The following CSMD3 variants were observed in gnomAD, a reference collection of about 807,000 sequenced individuals.
CSMD3 encodes the protein CUB and Sushi multiple domains 3.
CSMD3 carries 177 observed loss-of-function variants against 435.2 expected under a neutral mutation model. That is an observed-to-expected ratio of 0.41 (90% confidence interval 0.36 to 0.46). The LOEUF (loss-of-function observed/expected upper bound fraction) is 0.46, where lower values mean the gene tolerates loss of function less well. CSMD3 is among the 20% of genes least tolerant of loss of function. CSMD3 has a pLI of 0.34. For synonymous variants in CSMD3, 1,656 were observed against 1,520.5 expected (o/e 1.09, Z -2.07); for missense variants, 4,265 against 4,504.6 (o/e 0.95, Z 1.52).
At chr8:113,042,292 T>A (rs2087655622) in intron 5 of CSMD3, among the ~76,000 whole-genome samples, 1 of 152,116 alleles carries the variant, frequency 6.6e-6, no homozygotes, top group Non-Finnish European at 1.5e-5. Context: ...TATAGTAGAA[T>A]CACAAATTAA....
In CSMD3 at chr8:113,224,990, A is replaced by C. The variant is rs897636046; in HGVS notation, c.515-51074T>G. Among the ~76,000 whole-genome samples, 4 of 151,414 alleles carry C rather than the reference A, an allele frequency of 2.6e-5. No homozygotes were observed. The Admixed American group carries it at 2.6e-4, about 10-fold the overall frequency. ...CTCAGCAATTTAGAGCTAAATAAATATATGTATTACTGTTTTCTTCTCTTA... is the reference window on the plus strand; with the variant it reads ...CTCAGCAATTTAGAGCTAAATAAATCTATGTATTACTGTTTTCTTCTCTTA... On this transcript the variant is annotated intron_variant, in intron 3 of 70. Transcript: ENST00000297405.
intron 38 of CSMD3, among the ~76,000 whole-genome samples, chr8:112,379,605 C>T (rs913403209): frequency 2.0e-5 from 3 of 152,112 alleles, no homozygotes; most frequent in Non-Finnish European, 4.4e-5. Context: ...CTACACAAAG[C>T]AACCTACAGA....
chr8:112,333,669 TAC>T lies in CSMD3; in HGVS notation c.7165+1658_7165+1659del, dbSNP rs147365873. Among the ~76,000 whole-genome samples the T allele has an allele frequency of 3.9e-3, 581 of 147,792 alleles. 1 individual carries two copies. The highest frequency in any genetic ancestry group is 0.011 in the African/African-American group (429 of 38,634). ...ATATGAATGTTCAAATTCTGTCTCA[TAC>T]ACACACACACACACACACACACAAC... On this transcript the variant is annotated intron_variant, in intron 45 of 70. Coordinates refer to ENST00000297405, the MANE Select transcript of CSMD3 (RefSeq NM_198123.2).
rs1554668938 is a variant in CSMD3, at chr8:112,405,246, T to TAC, written c.5809+1276_5809+1277dup. ...ATATATATATATATATATATATATA[T>TAC]ACATATATATATACACATATCTTAT... On this transcript the variant is annotated intron_variant, in intron 35 of 70. Transcript: ENST00000297405. 2.5e-3 allele frequency among the ~76,000 whole-genome samples: 207 copies of TAC among 81,530 alleles called. 5 individuals carry two copies. The highest frequency in any genetic ancestry group is 9.2e-3 in the African/African-American group (173 of 18,764). The allele number at this position is 81,530 out of a possible 152,430, so 53.5% of individuals were successfully genotyped here.
intron 2 of CSMD3, among the ~76,000 whole-genome samples, chr8:113,285,238 A>G (rs2093637573): frequency 6.7e-6 from 1 of 149,336 alleles, no homozygotes; most frequent in Non-Finnish European, 1.5e-5. Flanking sequence ...ATGGGGAGCC[A>G]TTGTCTGACT....
At position 113,252,146 on chromosome 8, in the gene CSMD3, C is replaced by G. The variant is rs531902160; in HGVS notation, c.514+26446G>C. Among the ~76,000 whole-genome samples the G allele has an allele frequency of 3.3e-5, 5 of 152,162 alleles. No homozygotes were observed. In the East Asian group the frequency reaches 9.7e-4, roughly 29 times the overall value. On this transcript the variant is annotated intron_variant, in intron 3 of 70. Coordinates refer to ENST00000297405, the MANE Select transcript of CSMD3 (RefSeq NM_198123.2). ...TCCTGATTTCTCAGCAAGTCTTCTA[C>G]TATTTATGAATCTTTTATCTGTTAG...
At chr8:112,410,119 C>T (rs955269793) in intron 32 of CSMD3, among the ~76,000 whole-genome samples, 1 of 151,946 alleles carries the variant, frequency 6.6e-6, no homozygotes, top group African/African-American at 2.4e-5. Context: ...TCACTTGAAA[C>T]ATGGTTACTT....
chr8:112,409,781 A>G (rs1211188769), intron 32 of CSMD3, among the ~76,000 whole-genome samples: 1 of 151,964 alleles, frequency 6.6e-6, no homozygotes, highest in East Asian at 1.9e-4. Flanking sequence ...ACTTACATGC[A>G]GAATTTACCC....
At chr8:113,155,944 T>C (rs1480452) in intron 4 of CSMD3, among the ~76,000 whole-genome samples, 29,569 of 152,010 alleles carry the variant, frequency 0.19, 3,872 homozygotes, top group East Asian at 0.49. Context: ...TGGTTTTCTA[T>C]AATGATTCTG....
chr8:112,283,544 A>T (rs1818875290), intron 58 of CSMD3, among the ~76,000 whole-genome samples: 1 of 151,610 alleles, frequency 6.6e-6, no homozygotes, highest in South Asian at 2.1e-4. Flanking sequence ...GCTTTGTGTT[A>T]GGTATAGAGT....
At chr8:113,349,561 C>T (rs1181076623) in intron 1 of CSMD3, among the ~76,000 whole-genome samples, 3 of 151,950 alleles carry the variant, frequency 2.0e-5, no homozygotes, top group African/African-American at 7.3e-5. Context: ...GCAGGAGGAT[C>T]GCTTCAGGCC....
intron 59 of CSMD3, among the ~76,000 whole-genome samples, chr8:112,279,144 G>T (rs1367636945): frequency 6.6e-6 from 1 of 152,136 alleles, no homozygotes; most frequent in Admixed American, 6.6e-5. Flanking sequence ...TTCTAAAATA[G>T]TTATTCAACA....
chr8:113,064,475 A>T (rs1014331795), intron 5 of CSMD3, among the ~76,000 whole-genome samples: 1 of 152,178 alleles, frequency 6.6e-6, no homozygotes, highest in African/African-American at 2.4e-5. Flanking sequence ...GGGGTTTTTT[A>T]AAAGGACTTT....
At chr8:112,493,659 G>C (rs760293626) in intron 30 of CSMD3, among the ~76,000 whole-genome samples, 3 of 152,030 alleles carry the variant, frequency 2.0e-5, no homozygotes, top group Non-Finnish European at 2.9e-5. Flanking sequence ...TCAGAGCAGA[G>C]GAATTGTTTT....
intron 3 of CSMD3, among the ~76,000 whole-genome samples, chr8:113,246,695 T>C (rs912570584): frequency 3.9e-5 from 6 of 152,260 alleles, no homozygotes; most frequent in Admixed American, 6.6e-5. Context: ...GCATGTTTTG[T>C]CTGAGAATTA....
At chr8:113,112,945 C>G (rs574953609) in intron 4 of CSMD3, among the ~76,000 whole-genome samples, 141 of 152,298 alleles carry the variant, frequency 9.3e-4, no homozygotes, top group Middle Eastern at 3.4e-3. Flanking sequence ...GTGCACAGTG[C>G]AATCCCATAA....
At chr8:112,853,988 C>T (rs2080572484) in intron 11 of CSMD3, among the ~76,000 whole-genome samples, 1 of 152,110 alleles carries the variant, frequency 6.6e-6, no homozygotes, top group African/African-American at 2.4e-5. Context: ...AATTTGAGCA[C>T]CAGGTCTAGA....
At chr8:112,409,151 T>TG in intron 32 of CSMD3, 119 bp from the exon 33 acceptor site, 1 of 1,511,614 alleles carries the variant, frequency 6.6e-7, no homozygotes, top group Middle Eastern at 1.8e-4. Flanking sequence ...ATAATAGTCA[T>TG]TTTTTTTCTA....
At chr8:113,232,080 T>C (rs993789130) in intron 3 of CSMD3, among the ~76,000 whole-genome samples, 1 of 151,576 alleles carries the variant, frequency 6.6e-6, no homozygotes, top group East Asian at 1.9e-4. Context: ...CTTGAAATTT[T>C]ATCTCATTAC....
Sources: gnomAD v4.1 joint callset for allele counts (sites outside exome capture counted in the v4.1 genomes callset) on GRCh38, gnomAD v4.1.1 for gene constraint, MANE v1.5 for transcripts, NCBI Gene and HGNC (gene_info 2026-07-23, HGNC 2026-07-21) for gene names.